Variants in KIAA1217 observed in about 807,000 individuals in gnomAD.
KIAA1217 encodes the protein sickle tail protein homolog.
In KIAA1217, 88 loss-of-function variants were observed where a neutral mutation model predicts 163.9. The observed-to-expected ratio is 0.54, with a 90% confidence interval of 0.45 to 0.64. KIAA1217 has a LOEUF of 0.64. Among genes scored for constraint, KIAA1217 ranks in the 30% least tolerant of loss-of-function variants. The pLI is 0.00. For synonymous variants in KIAA1217, 903 were observed against 923.1 expected (o/e 0.98, Z 0.39); for missense variants, 2,372 against 2,475.0 (o/e 0.96, Z 0.88).
chr10:23,784,552 T>C (rs921146525), intron 1 of KIAA1217, among the ~76,000 whole-genome samples: 5 of 152,152 alleles, frequency 3.3e-5, no homozygotes, highest in African/African-American at 9.7e-5. Flanking sequence ...TCTTGCTGTC[T>C]TCCTTTGTGA....
intron 2 of KIAA1217, among the ~76,000 whole-genome samples, chr10:24,037,657 A>G (rs1848453685): frequency 6.6e-6 from 1 of 152,182 alleles, no homozygotes; most frequent in African/African-American, 2.4e-5. Context: ...TTCCAGATTA[A>G]AGCAGCATTC....
At chr10:23,788,105 G>A (rs12264923) in intron 1 of KIAA1217, among the ~76,000 whole-genome samples, 2,890 of 152,210 alleles carry the variant, frequency 0.019, 95 homozygotes, top group African/African-American at 0.066. Flanking sequence ...GGCTGAGTTG[G>A]GAGAACTGCT....
chr10:24,096,455 T>A lies in KIAA1217; in HGVS notation c.-171+89081T>A, dbSNP rs2062166719. 4.6e-5 allele frequency among the ~76,000 whole-genome samples: 7 copies of A among 152,206 alleles called. 1 individual carries two copies. The South Asian group carries it at 1.2e-3, about 27-fold the overall frequency. ...AACCTCCTTCACGTTGCAGCTGGGA[T>A]AATCTTTTTGAAACACAATAAATTG... is the stretch of plus-strand genomic sequence containing the variant. On this transcript the variant is annotated intron_variant, in intron 2 of 18. Transcript: ENST00000376462.
At chr10:23,993,978 CTG>C in intron 1 of KIAA1217, among the ~76,000 whole-genome samples, 1 of 152,282 alleles carries the variant, frequency 6.6e-6, no homozygotes, top group African/African-American at 2.4e-5. Flanking sequence ...AACAGAGAAA[CTG>C]TCCTGAGGTT....
intron 8 of KIAA1217, among the ~76,000 whole-genome samples, chr10:24,499,276 A>T (rs181879286): frequency 6.6e-6 from 1 of 152,338 alleles, no homozygotes; most frequent in African/African-American, 2.4e-5. Context: ...ATGTTATCAG[A>T]TATGTTTTAC....
chr10:23,709,028 C>T (rs1247315549), intron 1 of KIAA1217, among the ~76,000 whole-genome samples: 2 of 152,090 alleles, frequency 1.3e-5, no homozygotes, highest in Non-Finnish European at 2.9e-5. Context: ...CTCCTCTAGG[C>T]AGTTGGGTTA....
intron 5 of KIAA1217, among the ~76,000 whole-genome samples, chr10:24,455,107 A>G (rs1018684956): frequency 3.9e-5 from 6 of 152,198 alleles, no homozygotes; most frequent in African/African-American, 1.2e-4. Flanking sequence ...ATGTTGTTTT[A>G]AAATGTTTCT....
intron 1 of KIAA1217, among the ~76,000 whole-genome samples, chr10:23,975,726 G>A (rs2131401539): frequency 1.3e-5 from 2 of 152,258 alleles, no homozygotes; most frequent in East Asian, 3.9e-4. Context: ...TACTACCACT[G>A]AACAACACAC....
At chr10:23,735,943 T>C (rs1241305931) in intron 1 of KIAA1217, among the ~76,000 whole-genome samples, 3 of 152,216 alleles carry the variant, frequency 2.0e-5, no homozygotes, top group African/African-American at 7.2e-5. Context: ...TCATTCTCTC[T>C]TGATTAAATA....
Position 23,993,101 on chromosome 10 carries a change from G to A in KIAA1217, c.-320-14124G>A, listed in dbSNP as rs113288932. Reference sequence around the variant, plus strand: ...GGCTTGAATGCAGTGGTGAGATCTCGGCTCACTGCAACTTCTGCCTCCCGG... The same window carrying A: ...GGCTTGAATGCAGTGGTGAGATCTCAGCTCACTGCAACTTCTGCCTCCCGG... On this transcript the variant is annotated intron_variant, in intron 1 of 18. Coordinates refer to the KIAA1217 transcript ENST00000376462. Among the ~76,000 whole-genome samples, 1,308 of 136,486 alleles carry A rather than the reference G, an allele frequency of 9.6e-3. 15 individuals carry two copies. The highest frequency in any genetic ancestry group is 0.016 in the Non-Finnish European group (1,021 of 64,994). 89.5% of individuals were successfully genotyped at this position (136,486 alleles called of 152,430 possible). A position where few individuals can be genotyped will look rare whatever the true frequency, so the allele number is the denominator to read the frequency against.
chr10:24,039,691 C>T (rs895393919), intron 2 of KIAA1217, among the ~76,000 whole-genome samples: 4 of 151,868 alleles, frequency 2.6e-5, no homozygotes, highest in African/African-American at 7.3e-5. Context: ...CCCCATTGTA[C>T]GTCAAGGGAC....
chr10:24,399,778 G>A (rs967913053), intron 3 of KIAA1217, among the ~76,000 whole-genome samples: 2 of 152,182 alleles, frequency 1.3e-5, no homozygotes, highest in Non-Finnish European at 1.5e-5. Flanking sequence ...TAGCAATATA[G>A]CAGCATGAGG....
intron 2 of KIAA1217, among the ~76,000 whole-genome samples, chr10:24,266,118 G>T (rs1438261195): frequency 6.8e-6 from 1 of 148,120 alleles, no homozygotes; most frequent in Non-Finnish European, 1.5e-5. Flanking sequence ...TCACCCTGTC[G>T]CCCAGGTTGG....
intron 1 of KIAA1217, among the ~76,000 whole-genome samples, chr10:23,944,843 G>A (rs1843940386): frequency 6.6e-6 from 1 of 152,092 alleles, no homozygotes; most frequent in Admixed American, 6.5e-5. Flanking sequence ...TGGATCACCT[G>A]AGGTCAGGAG....
intron 2 of KIAA1217, among the ~76,000 whole-genome samples, chr10:24,166,869 A>G (rs2065372892): frequency 6.6e-6 from 1 of 152,196 alleles, no homozygotes; most frequent in Non-Finnish European, 1.5e-5. Flanking sequence ...TGTGCTATAA[A>G]ACTATGTACA....
At chr10:24,159,549 G>A (rs2065023962) in intron 2 of KIAA1217, among the ~76,000 whole-genome samples, 1 of 152,094 alleles carries the variant, frequency 6.6e-6, no homozygotes. Flanking sequence ...GGAGGCCGAG[G>A]CGGGCGGATC....
At chr10:24,219,963 A>C in intron 2 of KIAA1217, 54 bp downstream of exon 2, 1 of 1,498,238 alleles carries the variant, frequency 6.7e-7, no homozygotes, top group Non-Finnish European at 9.0e-7. Context: ...ATGAACATCG[A>C]GGAAAGCAAA....
chr10:23,721,663 T>TA (rs966034078), intron 1 of KIAA1217, among the ~76,000 whole-genome samples: 8 of 152,052 alleles, frequency 5.3e-5, no homozygotes, highest in African/African-American at 2.4e-5. Flanking sequence ...AATAAATTGT[T>TA]AAAAAAATTC....
chr10:24,255,923 T>C (rs1658794285), intron 2 of KIAA1217, among the ~76,000 whole-genome samples: 1 of 151,858 alleles, frequency 6.6e-6, no homozygotes. Flanking sequence ...TGTTTCTAAG[T>C]ATGGTGTAAT....
Sources: allele counts gnomAD v4.1 joint callset (sites outside exome capture counted in the v4.1 genomes callset), GRCh38; gene constraint gnomAD v4.1.1; transcripts MANE v1.5; gene names NCBI Gene and HGNC (gene_info 2026-07-23, HGNC 2026-07-21).